Variants in RHPN2 observed in about 807,000 individuals in gnomAD.
The protein encoded by RHPN2 is rhophilin-2.
In RHPN2, 40 loss-of-function variants were observed where a neutral mutation model predicts 79.0. The observed-to-expected ratio is 0.51, with a 90% confidence interval of 0.39 to 0.66. The LOEUF is 0.66. Among genes scored for constraint, RHPN2 ranks in the 30% least tolerant of loss-of-function variants. RHPN2 has a pLI of 0.00. For missense variants in RHPN2, 686 were observed against 883.5 expected (o/e 0.78, Z 2.83); for synonymous variants, 285 against 363.5 (o/e 0.78, Z 2.46).
chr19:32,993,069 G>A (rs1470273354), intron 12 of RHPN2, among the ~76,000 whole-genome samples: 2 of 152,200 alleles, frequency 1.3e-5, no homozygotes, highest in Middle Eastern at 3.4e-3. Flanking sequence ...AGTGAGCTAT[G>A]ATCATGCCGC....
chr19:33,022,440 A>T (rs964299000), intron 3 of RHPN2, among the ~76,000 whole-genome samples: 2 of 151,208 alleles, frequency 1.3e-5, no homozygotes, highest in African/African-American at 4.9e-5. Flanking sequence ...CACATTTGCA[A>T]CTCTGGGTTC....
intron 14 of RHPN2, 39 bp from the exon 15 acceptor site, chr19:32,980,295 A>C (rs1469789963): frequency 7.4e-6 from 12 of 1,613,506 alleles, no homozygotes; most frequent in East Asian, 4.5e-5. Flanking sequence ...GTCAGGCATC[A>C]TCAAGATAGA....
chr19:33,064,327 A>G (rs1040900215), intron 1 of RHPN2, among the ~76,000 whole-genome samples: 9 of 118,018 alleles, frequency 7.6e-5, no homozygotes, highest in African/African-American at 4.2e-4. Flanking sequence ...GAGCGCCTAA[A>G]ATAAATATGA....
At chr19:33,001,384 T>A (rs75469545) in intron 9 of RHPN2, among the ~76,000 whole-genome samples, 19,398 of 151,450 alleles carry the variant, frequency 0.13, 1,255 homozygotes, top group African/African-American at 0.16. Flanking sequence ...AAAAAAAAAA[T>A]TTTTTTTAAT....
chr19:33,010,859 T>C (rs1343550398), intron 6 of RHPN2, among the ~76,000 whole-genome samples: 3 of 151,986 alleles, frequency 2.0e-5, no homozygotes, highest in Non-Finnish European at 4.4e-5. Context: ...ATTTTTGTAT[T>C]GTTTGTAGAT....
At chr19:33,024,913 G>A (rs1295682653) in intron 3 of RHPN2, among the ~76,000 whole-genome samples, 1 of 151,970 alleles carries the variant, frequency 6.6e-6, no homozygotes, top group Non-Finnish European at 1.5e-5. Flanking sequence ...CACCATGCCC[G>A]GCTAATTTTC....
intron 4 of RHPN2, among the ~76,000 whole-genome samples, chr19:33,017,242 C>T (rs1344338045): frequency 1.3e-5 from 2 of 151,928 alleles, no homozygotes; most frequent in Non-Finnish European, 2.9e-5. Context: ...GGTGTGGTGG[C>T]ACATGCCTGT....
chr19:32,995,068 G>C (rs1479207977), intron 11 of RHPN2, among the ~76,000 whole-genome samples: 1 of 152,068 alleles, frequency 6.6e-6, no homozygotes, highest in East Asian at 1.9e-4. Flanking sequence ...CGTGCTTTCT[G>C]TTTTCATCAT....
At chr19:32,980,810 G>C (rs1469108103) in intron 14 of RHPN2, among the ~76,000 whole-genome samples, 1 of 151,858 alleles carries the variant, frequency 6.6e-6, no homozygotes, top group Non-Finnish European at 1.5e-5. Flanking sequence ...TGCACCACCA[G>C]GTCCAACAAG....
intron 7 of RHPN2, among the ~76,000 whole-genome samples, chr19:33,005,853 C>G (rs1372666366): frequency 6.6e-6 from 1 of 152,120 alleles, no homozygotes; most frequent in Non-Finnish European, 1.5e-5. Context: ...GGAATCTTAG[C>G]ATATCGCTTC....
intron 2 of RHPN2, among the ~76,000 whole-genome samples, chr19:33,035,122 C>T (rs1471946742): frequency 6.6e-6 from 1 of 151,960 alleles, no homozygotes; most frequent in Admixed American, 6.6e-5. Flanking sequence ...TGTGCCACCA[C>T]ACCCAGCTAA....
chr19:33,011,003 C>T (rs1213180131), intron 6 of RHPN2, among the ~76,000 whole-genome samples: 1 of 152,174 alleles, frequency 6.6e-6, no homozygotes, highest in African/African-American at 2.4e-5. Flanking sequence ...TTAAACTATA[C>T]TAACCTTTGA....
intron 2 of RHPN2, among the ~76,000 whole-genome samples, chr19:33,037,160 C>T (rs1568322838): frequency 6.6e-6 from 1 of 152,208 alleles, no homozygotes; most frequent in Non-Finnish European, 1.5e-5. Flanking sequence ...TTTGTAAACA[C>T]ACCAATCAGC....
At chr19:33,036,452 G>C (rs1178815930) in intron 2 of RHPN2, among the ~76,000 whole-genome samples, 4 of 152,210 alleles carry the variant, frequency 2.6e-5, no homozygotes, top group Non-Finnish European at 4.4e-5. Context: ...TCTGCAGTGG[G>C]CTAGTGAGAG....
intron 1 of RHPN2, among the ~76,000 whole-genome samples, chr19:33,048,411 G>T (rs1972159275): frequency 6.6e-6 from 1 of 151,142 alleles, no homozygotes; most frequent in South Asian, 2.1e-4. Context: ...TTCCAATTTT[G>T]TCTTTCTTCA....
At chr19:33,035,585 T>C (rs1015348264) in intron 2 of RHPN2, among the ~76,000 whole-genome samples, 2 of 152,156 alleles carry the variant, frequency 1.3e-5, no homozygotes, top group African/African-American at 4.8e-5. Context: ...GCTTCGTTGC[T>C]AGCACAGGTG....
At chr19:33,040,710 T>A (rs1292810554) in intron 2 of RHPN2, among the ~76,000 whole-genome samples, 1 of 151,982 alleles carries the variant, frequency 6.6e-6, no homozygotes, top group Non-Finnish European at 1.5e-5. Context: ...ATTCCAGCAC[T>A]TTGGGAGGCT....
Position 33,002,863 on chromosome 19 carries a change from T to C in RHPN2, c.898A>G (p.Ile300Val). Residue 300 changes from isoleucine (I) to valine (V), a missense_variant, in exon 8 of 15, where the codon ATC (isoleucine) becomes GTC (valine). Transcript: ENST00000254260. The stretch of plus-strand genomic sequence containing the variant: ...ACCAGCATGAAGAATTCATTCCGGA[T>C]CCCAGGAAGGCTGATTTTCTCAAAC... ...SVFEKISLPG[I>V]RNEFFMLVKV... is the part of the protein sequence containing the mutation. The C allele has an allele frequency of 1.2e-6, 2 of 1,613,856 alleles. No individual in the cohort carries two copies. Among genetic ancestry groups the C allele is most frequent in the Middle Eastern group, 1.7e-4 (1 of 6,056 alleles).
At chr19:32,997,489 CTT>C (rs35958619) in intron 10 of RHPN2, among the ~76,000 whole-genome samples, 3 of 149,546 alleles carry the variant, frequency 2.0e-5, no homozygotes, top group Non-Finnish European at 3.0e-5. Context: ...CAGAGAAAGG[CTT>C]TTTTTTTTTC....
Sources: gnomAD v4.1 joint callset for allele counts (sites outside exome capture counted in the v4.1 genomes callset) on GRCh38, gnomAD v4.1.1 for gene constraint, MANE v1.5 for transcripts, NCBI Gene and HGNC (gene_info 2026-07-23, HGNC 2026-07-21) for gene names.